Variants in DIABLO observed in about 807,000 individuals in gnomAD.
DIABLO encodes diablo homolog, mitochondrial.
In DIABLO, 32 loss-of-function variants were observed where a neutral mutation model predicts 31.7. The observed-to-expected ratio is 1.01, with a 90% CI of 0.76 to 1.35. The LOEUF (loss-of-function observed/expected upper bound fraction) is 1.35. Ranked by LOEUF, DIABLO falls within the 40% of genes most tolerant of loss-of-function variation. The pLI is 0.00. For synonymous variants in DIABLO, 132 were observed against 103.2 expected (o/e 1.28, Z -1.69); for missense variants, 316 against 286.4 (o/e 1.10, Z -0.75).
At chr12:122,210,896 G>A (rs1045168941) in intron 5 of DIABLO, among the ~76,000 whole-genome samples, 6 of 149,934 alleles carry the variant, frequency 4.0e-5, no homozygotes, top group African/African-American at 7.5e-5. Context: ...AAAATTAGCT[G>A]GGGCATGGTG....
intron 2 of DIABLO, chr12:122,221,231 A>G (rs1954329577): frequency 6.6e-6 from 1 of 152,232 alleles, no homozygotes; most frequent in African/African-American, 2.4e-5. Context: ...ACTTGGTACT[A>G]AAGATACCTA....
At chr12:122,225,791 G>C in intron 1 of DIABLO, 174 bp downstream of exon 1, 5 of 1,457,128 alleles carry the variant, frequency 3.4e-6, no homozygotes, top group Non-Finnish European at 3.6e-6. Context: ...CTTGACCCAG[G>C]GGGCGGAGGC....
chr12:122,225,310 C>T, intron 1 of DIABLO: 2 of 757,742 alleles, frequency 2.6e-6, no homozygotes, highest in Non-Finnish European at 3.2e-6. Flanking sequence ...TCGCTTGAAG[C>T]CGGGAGGCAC....
chr12:122,207,859 C>G lies in DIABLO; in HGVS notation c.*522G>C. On this transcript the variant is annotated 3_prime_UTR_variant, in exon 6 of 6. Coordinates refer to ENST00000464942, the MANE Select transcript of DIABLO (RefSeq NM_001371333.1). ...TCTTAGTAGTAATAGGTTTTTCACT[C>G]CTTGGCCTCAGCTGTCCTCACAGGA... is the stretch of plus-strand genomic sequence containing the variant. 2.2e-6 allele frequency: 1 copy of G among 460,730 alleles called. No homozygotes were observed. The highest frequency in any genetic ancestry group is 4.3e-6 in the Non-Finnish European group (1 of 231,422). The allele number at this position is 460,730 out of a possible 1,614,324, so 28.5% of individuals were successfully genotyped here.
intron 5 of DIABLO, chr12:122,209,086 G>A (rs1416237474): frequency 1.1e-5 from 3 of 279,826 alleles, no homozygotes; most frequent in Admixed American, 5.1e-5. Context: ...AAGGCCGGGC[G>A]CAGTGGCTCA....
intron 3 of DIABLO, chr12:122,217,096 CAG>C (rs1566025151): frequency 8.1e-6 from 4 of 492,880 alleles, no homozygotes; most frequent in African/African-American, 7.8e-5. Context: ...AATTCAGACA[CAG>C]AAAGAGAAAA....
At chr12:122,226,337 G>A (rs1171629041), upstream of DIABLO, 2 of 668,932 alleles carry the variant, frequency 3.0e-6, no homozygotes, top group Non-Finnish European at 2.7e-6. Context: ...TCGGGCCAGG[G>A]CTTGAAGGGA....
intron 5 of DIABLO, among the ~76,000 whole-genome samples, chr12:122,210,527 C>A (rs1233256131): frequency 6.6e-6 from 1 of 151,900 alleles, no homozygotes; most frequent in Non-Finnish European, 1.5e-5. Flanking sequence ...TGCCCACCAC[C>A]ATGCCTAATT....
At position 122,208,273 on chromosome 12, in the gene DIABLO, T is replaced by C. The variant is rs12870; in HGVS notation, c.*108A>G. On this transcript the variant is annotated 3_prime_UTR_variant, in exon 6 of 6. Transcript: ENST00000464942. Reference sequence around the variant, plus strand: ...TCTCGCCTGATTGGCCAGGGCAGGATCTGCCGCCTCTTCTCGGTGCACAGA... The same window carrying C: ...TCTCGCCTGATTGGCCAGGGCAGGACCTGCCGCCTCTTCTCGGTGCACAGA... 0.6 allele frequency: 807,109 copies of C among 1,350,324 alleles called. 245,794 individuals are homozygous for C. Among genetic ancestry groups the C allele is most frequent in the African/African-American group, 0.89 (61,763 of 69,616 alleles). 83.6% of individuals were successfully genotyped at this position (1,350,324 alleles called of 1,614,324 possible).
At chr12:122,217,174 T>C in intron 3 of DIABLO, 1 of 363,390 alleles carries the variant, frequency 2.8e-6, no homozygotes, top group South Asian at 2.3e-5. Context: ...GTAAAACAAA[T>C]GCACAAATGA....
chr12:122,213,460 G>A (rs1954133385), intron 5 of DIABLO, among the ~76,000 whole-genome samples: 1 of 145,550 alleles, frequency 6.9e-6, no homozygotes, highest in Admixed American at 6.9e-5. Flanking sequence ...AGCCATGATT[G>A]TGCCACTGTA....
In DIABLO at chr12:122,225,248, C is replaced by T. The variant is rs1047107537; in HGVS notation, c.51-604G>A. 2.0e-5 allele frequency: 5 copies of T among 253,974 alleles called. 1 individual carries two copies. In the South Asian group the frequency reaches 3.3e-4, roughly 17 times the overall value. 15.7% of individuals were successfully genotyped at this position (253,974 alleles called of 1,614,324 possible). A position where few individuals can be genotyped will look rare whatever the true frequency, so the allele number is the denominator to read the frequency against. Reference sequence around the variant, plus strand: ...AAAAGAAAAAAAAAAATTAGCCGGGCGTGGTGGCGGGCGCCTGCAATCCCA... The same window carrying T: ...AAAAGAAAAAAAAAAATTAGCCGGGTGTGGTGGCGGGCGCCTGCAATCCCA... On this transcript the variant is annotated intron_variant, in intron 1 of 5. Transcript: ENST00000464942.
rs5801477 is a variant in DIABLO at position 122,225,789 on chromosome 12, AG to A, written c.50+175del. On this transcript the variant is annotated intron_variant, in intron 1 of 5. Transcript: ENST00000464942. Reference sequence around the variant, plus strand: ...CTGAAAAGGAAGCCGGGCTTGACCCAGGGGGCGGAGGCGGGGCTGTCCTCAG... The same window carrying A: ...CTGAAAAGGAAGCCGGGCTTGACCCAGGGGCGGAGGCGGGGCTGTCCTCAG... 710 of 1,455,500 alleles carry A rather than the reference AG, an allele frequency of 4.9e-4. 5 individuals carry two copies. In the African/African-American group the frequency reaches 9.3e-3, roughly 19 times the overall value. 90.2% of individuals were successfully genotyped at this position (1,455,500 alleles called of 1,614,324 possible).
chr12:122,222,983 C>G (rs1335446563), intron 2 of DIABLO, among the ~76,000 whole-genome samples: 1 of 151,904 alleles, frequency 6.6e-6, no homozygotes, highest in Non-Finnish European at 1.5e-5. Context: ...GCAACTCCTG[C>G]TAACTACGTT....
At chr12:122,218,475 G>T in intron 2 of DIABLO, 78 bp from the exon 3 acceptor site, 1 of 1,582,478 alleles carries the variant, frequency 6.3e-7, no homozygotes, top group South Asian at 1.1e-5. Flanking sequence ...AGCAAAAAAC[G>T]TAATTGTCAT....
chr12:122,213,129 G>C (rs1954124290), intron 5 of DIABLO, among the ~76,000 whole-genome samples: 1 of 151,948 alleles, frequency 6.6e-6, no homozygotes, highest in African/African-American at 2.4e-5. Context: ...GTCAAGTCTG[G>C]TCTCGAACTC....
chr12:122,226,005 G>A lies in DIABLO; in HGVS notation c.10C>T (p.Leu4=), dbSNP rs1330041207. Residue 4 remains leucine (L), a synonymous_variant, in exon 1 of 6, where the codon CTG becomes TTG. Coordinates refer to ENST00000464942, the MANE Select transcript of DIABLO (RefSeq NM_001371333.1). ...ACGCTGCGCGACAGCCAACTCTTCA[G>A]AGCCGCCATTGTGCAGCGCGCGGAC... MAA[L]KSWLSRSVTS... is the part of the protein sequence containing the mutation. 6.2e-7 allele frequency: 1 copy of A among 1,603,478 alleles called. No individual in the cohort carries two copies. The highest frequency in any genetic ancestry group is 8.5e-7 in the Non-Finnish European group (1 of 1,176,054).
chr12:122,211,391 C>T (rs901182437), intron 5 of DIABLO, among the ~76,000 whole-genome samples: 7 of 151,796 alleles, frequency 4.6e-5, no homozygotes, highest in African/African-American at 1.7e-4. Context: ...AGAGTGAGAC[C>T]CTGTCTCCAA....
At chr12:122,210,741 CTG>C (rs1219592034) in intron 5 of DIABLO, among the ~76,000 whole-genome samples, 1 of 151,954 alleles carries the variant, frequency 6.6e-6, no homozygotes, top group African/African-American at 2.4e-5. Context: ...ACAAAATTTA[CTG>C]TGTGTCTTAG....
Sources: allele counts gnomAD v4.1 joint callset (sites outside exome capture counted in the v4.1 genomes callset), GRCh38; gene constraint gnomAD v4.1.1; transcripts MANE v1.5; gene names NCBI Gene and HGNC (gene_info 2026-07-23, HGNC 2026-07-21).